KCNIP1: variants seen among roughly 807,000 people sequenced by gnomAD.
KCNIP1 encodes A-type potassium channel modulatory protein KCNIP1.
KCNIP1 carries 18 observed loss-of-function variants against 33.0 expected under a neutral mutation model. The observed-to-expected ratio is 0.55, with a 90% CI of 0.38 to 0.81. KCNIP1 has a LOEUF of 0.81. Among genes scored for constraint, KCNIP1 ranks in the 30% least tolerant of loss-of-function variants. The pLI is 0.00. For synonymous variants in KCNIP1, 93 were observed against 98.3 expected (o/e 0.95, Z 0.32); for missense variants, 238 against 271.6 (o/e 0.88, Z 0.87).
At chr5:170,683,581 AC>A (rs1388693315) in intron 1 of KCNIP1, among the ~76,000 whole-genome samples, 2 of 152,184 alleles carry the variant, frequency 1.3e-5, no homozygotes, top group Non-Finnish European at 2.9e-5. Flanking sequence ...CAATTTGAGT[AC>A]TAAAGAGAGA....
intron 1 of KCNIP1, among the ~76,000 whole-genome samples, chr5:170,534,571 G>A (rs1398451956): frequency 1.3e-5 from 2 of 152,102 alleles, no homozygotes; most frequent in East Asian, 3.9e-4. Flanking sequence ...AGGATGGAGT[G>A]CAGTGATGTG....
chr5:170,395,422 G>C (rs1754733494), intron 1 of KCNIP1, among the ~76,000 whole-genome samples: 1 of 152,222 alleles, frequency 6.6e-6, no homozygotes, highest in African/African-American at 2.4e-5. Flanking sequence ...AGTCGGGATA[G>C]ATTTCATCAA....
intron 1 of KCNIP1, among the ~76,000 whole-genome samples, chr5:170,437,614 C>T (rs2113457103): frequency 6.6e-6 from 1 of 152,328 alleles, no homozygotes; most frequent in South Asian, 2.1e-4. Flanking sequence ...CAGGTATCTT[C>T]CTCAGCAGGC....
intron 1 of KCNIP1, among the ~76,000 whole-genome samples, chr5:170,469,483 CTCA>C (rs1481315597): frequency 6.6e-6 from 1 of 152,242 alleles, no homozygotes; most frequent in Non-Finnish European, 1.5e-5. Context: ...CTCTCCCTTC[CTCA>C]TCGCCTTTGG....
chr5:170,459,390 A>G (rs1477950366), intron 1 of KCNIP1, among the ~76,000 whole-genome samples: 2 of 152,300 alleles, frequency 1.3e-5, no homozygotes, highest in African/African-American at 4.8e-5. Flanking sequence ...TGGAATATAC[A>G]TTCTATTCAA....
At chr5:170,405,767 G>A (rs1220022291) in intron 1 of KCNIP1, among the ~76,000 whole-genome samples, 2 of 152,224 alleles carry the variant, frequency 1.3e-5, no homozygotes, top group Non-Finnish European at 2.9e-5. Context: ...CTGGACCAGT[G>A]ATGGTAACAC....
At chr5:170,627,094 C>T (rs1759860656) in intron 1 of KCNIP1, among the ~76,000 whole-genome samples, 2 of 152,134 alleles carry the variant, frequency 1.3e-5, no homozygotes, top group African/African-American at 2.4e-5. Flanking sequence ...GTGGCTCTGA[C>T]GATGCATCCC....
chr5:170,513,430 T>C (rs959262724), intron 1 of KCNIP1, among the ~76,000 whole-genome samples: 1 of 143,620 alleles, frequency 7.0e-6, no homozygotes, highest in Admixed American at 6.6e-5. Flanking sequence ...TTTCTTTCTC[T>C]CTCTTTCTTT....
chr5:170,489,000 G>C (rs185301154), intron 1 of KCNIP1, among the ~76,000 whole-genome samples: 4 of 152,118 alleles, frequency 2.6e-5, no homozygotes, highest in East Asian at 3.9e-4. Flanking sequence ...GCTGAGCCAA[G>C]CAGGTAAGAG....
At chr5:170,443,963 G>A (rs1199868355) in intron 1 of KCNIP1, among the ~76,000 whole-genome samples, 1 of 152,216 alleles carries the variant, frequency 6.6e-6, no homozygotes, top group Non-Finnish European at 1.5e-5. Flanking sequence ...TCCCAGGTGG[G>A]TGTAAATTTG....
chr5:170,655,267 C>T (rs1761214548), intron 1 of KCNIP1, among the ~76,000 whole-genome samples: 4 of 152,062 alleles, frequency 2.6e-5, no homozygotes, highest in Admixed American at 2.6e-4. Flanking sequence ...CATTAATATT[C>T]GGGGCCCTGT....
At chr5:170,534,763 C>T (rs942135353) in intron 1 of KCNIP1, among the ~76,000 whole-genome samples, 3 of 151,904 alleles carry the variant, frequency 2.0e-5, no homozygotes, top group South Asian at 2.1e-4. Context: ...CTCAAGTGAT[C>T]CTCCCACCAG....
chr5:170,728,620 T>C (rs1054797957), intron 5 of KCNIP1, among the ~76,000 whole-genome samples: 2 of 152,168 alleles, frequency 1.3e-5, no homozygotes, highest in Non-Finnish European at 2.9e-5. Flanking sequence ...CATTTTTAAA[T>C]ATCCATAATT....
intron 1 of KCNIP1, among the ~76,000 whole-genome samples, chr5:170,507,963 G>A (rs930637577): frequency 5.3e-5 from 8 of 152,136 alleles, no homozygotes; most frequent in African/African-American, 1.9e-4. Flanking sequence ...AGTTTTGCAT[G>A]TGCATGACAC....
intron 1 of KCNIP1, among the ~76,000 whole-genome samples, chr5:170,557,042 T>G (rs538782077): frequency 6.6e-6 from 1 of 152,128 alleles, no homozygotes; most frequent in Non-Finnish European, 1.5e-5. Context: ...CCCTCAGCAG[T>G]GGAGTGGAAG....
intron 1 of KCNIP1, among the ~76,000 whole-genome samples, chr5:170,643,784 G>T (rs1031133439): frequency 6.6e-5 from 10 of 152,190 alleles, no homozygotes; most frequent in African/African-American, 9.7e-5. Context: ...CAGCCATCAG[G>T]GCTCTAATTG....
intron 1 of KCNIP1, among the ~76,000 whole-genome samples, chr5:170,408,661 T>C (rs1444771311): frequency 2.0e-5 from 3 of 152,084 alleles, no homozygotes; most frequent in Non-Finnish European, 4.4e-5. Context: ...ATGAAGGTGG[T>C]GGTTTGGGGT....
At chr5:170,449,047 C>T (rs187910087) in intron 1 of KCNIP1, among the ~76,000 whole-genome samples, 41 of 152,306 alleles carry the variant, frequency 2.7e-4, no homozygotes, top group Non-Finnish European at 5.0e-4. Flanking sequence ...GTGGCAATTC[C>T]AGTGCCTCCA....
rs181993861 is a variant in KCNIP1 at position 170,635,978 on chromosome 5, G to C, written c.62-82780G>C. Among the ~76,000 whole-genome samples, 860 of 152,388 alleles carry C rather than the reference G, an allele frequency of 5.6e-3. 41 individuals carry two copies. The highest frequency in any genetic ancestry group is 0.053 in the Admixed American group (817 of 15,310). On this transcript the variant is annotated intron_variant, in intron 1 of 7. Transcript: ENST00000328939. ...AAGGTCAAGCCAACAGGACTTGCCA[G>C]TGGGCTGGGTATGGGCATGAGACAG... is the stretch of plus-strand genomic sequence containing the variant.
Sources: allele counts gnomAD v4.1 joint callset (sites outside exome capture counted in the v4.1 genomes callset), GRCh38; gene constraint gnomAD v4.1.1; transcripts MANE v1.5; gene names NCBI Gene and HGNC (gene_info 2026-07-23, HGNC 2026-07-21).